The following LSAMP variants were observed in gnomAD, a reference collection of about 807,000 sequenced individuals.
The protein encoded by LSAMP is limbic system associated membrane protein, also known as limbic system-associated membrane protein.
LSAMP carries 7 observed loss-of-function variants against 38.6 expected under a neutral mutation model. The observed-to-expected ratio is 0.18, with a 90% CI of 0.10 to 0.34. The LOEUF (loss-of-function observed/expected upper bound fraction) is 0.34, where lower values mean the gene tolerates loss of function less well. LSAMP is among the 10% of genes least tolerant of loss of function. LSAMP has a pLI of 1.00. For synonymous variants in LSAMP, 154 were observed against 166.8 expected, an observed-to-expected ratio of 0.92 and a Z score of 0.59; for missense variants, 313 against 420.0, an observed-to-expected ratio of 0.75 and a Z score of 2.23.
intron 6 of LSAMP, 156 bp downstream of exon 6, chr3:115,841,689 T>C: frequency 3.1e-6 from 2 of 645,722 alleles, no homozygotes; most frequent in South Asian, 2.8e-5. Flanking sequence ...ATCTCTGCTA[T>C]GCACAGGAGT....
intron 1 of LSAMP, among the ~76,000 whole-genome samples, chr3:116,213,209 T>C (rs1334413610): frequency 6.6e-6 from 1 of 152,204 alleles, no homozygotes; most frequent in Non-Finnish European, 1.5e-5. Context: ...ATGGTTTGGT[T>C]GTGTCCCCAC....
chr3:115,910,482 A>C (rs1045227034), intron 3 of LSAMP, among the ~76,000 whole-genome samples: 2 of 152,194 alleles, frequency 1.3e-5, no homozygotes, highest in South Asian at 4.1e-4. Flanking sequence ...ATTTTGAGAC[A>C]GCAAAAAAGA....
intron 1 of LSAMP, among the ~76,000 whole-genome samples, chr3:116,198,059 T>C (rs2045930325): frequency 6.6e-6 from 1 of 152,058 alleles, no homozygotes; most frequent in Non-Finnish European, 1.5e-5. Flanking sequence ...CCATTCGTGG[T>C]GAATAATGTG....
intron 2 of LSAMP, among the ~76,000 whole-genome samples, chr3:116,060,928 A>AAAATG (rs1941583471): frequency 6.6e-6 from 1 of 151,698 alleles, no homozygotes; most frequent in Admixed American, 6.6e-5. Context: ...AAAATAAAAT[A>AAAATG]AAATAAATAT....
chr3:116,275,421 C>A (rs2047036001), intron 1 of LSAMP, among the ~76,000 whole-genome samples: 3 of 152,112 alleles, frequency 2.0e-5, no homozygotes, highest in South Asian at 2.1e-4. Context: ...TATGTTTAAG[C>A]AACCTTGGTC....
intron 1 of LSAMP, among the ~76,000 whole-genome samples, chr3:116,373,566 T>C (rs1003451510): frequency 6.6e-6 from 1 of 151,842 alleles, no homozygotes; most frequent in Non-Finnish European, 1.5e-5. Flanking sequence ...TAAATATGCC[T>C]AAGACAGTAA....
chr3:116,077,310 T>A (rs1486222944), intron 2 of LSAMP, among the ~76,000 whole-genome samples: 2 of 151,994 alleles, frequency 1.3e-5, no homozygotes, highest in African/African-American at 4.8e-5. Context: ...CCCATCTTTT[T>A]CATGTTAAGA....
chr3:115,939,658 G>C (rs372721539), intron 3 of LSAMP, among the ~76,000 whole-genome samples: 2 of 151,352 alleles, frequency 1.3e-5, no homozygotes, highest in South Asian at 2.1e-4. Flanking sequence ...GGGCTCAAGT[G>C]ATCCTCCCAC....
At chr3:115,839,262 T>TTCCTTCCTTCCTTCCTTCC (rs1934909005) in intron 6 of LSAMP, among the ~76,000 whole-genome samples, 1 of 78,630 alleles carries the variant, frequency 1.3e-5, no homozygotes, top group African/African-American at 5.7e-5. Flanking sequence ...TCCTTCTTTC[T>TTCCTTCCTTCCTTCCTTCC]TTCCTTCCTT....
intron 3 of LSAMP, among the ~76,000 whole-genome samples, chr3:115,939,043 A>T (rs1937805362): frequency 6.6e-6 from 1 of 152,194 alleles, no homozygotes; most frequent in Non-Finnish European, 1.5e-5. Context: ...ATGTAGGAAC[A>T]TAATAACAAA....
intron 1 of LSAMP, among the ~76,000 whole-genome samples, chr3:116,394,586 C>G (rs564511785): frequency 6.6e-6 from 1 of 152,268 alleles, no homozygotes; most frequent in African/African-American, 2.4e-5. Flanking sequence ...CTCAGACCAG[C>G]CCCCTCATTA....
intron 1 of LSAMP, among the ~76,000 whole-genome samples, chr3:116,265,123 G>GT (rs1006489891): frequency 8.6e-5 from 13 of 151,978 alleles, no homozygotes; most frequent in African/African-American, 2.9e-4. Flanking sequence ...ATTTTGAAGG[G>GT]TTTTAGGAGC....
intron 1 of LSAMP, among the ~76,000 whole-genome samples, chr3:116,120,162 A>G (rs1471830848): frequency 6.6e-6 from 1 of 152,198 alleles, no homozygotes; most frequent in East Asian, 1.9e-4. Flanking sequence ...AGGGACATAC[A>G]TAGCCAAGAA....
chr3:116,112,286 ATGAT>A (rs1290229727), intron 1 of LSAMP, among the ~76,000 whole-genome samples: 1 of 152,166 alleles, frequency 6.6e-6, no homozygotes, highest in Non-Finnish European at 1.5e-5. Context: ...AATAAAGAGT[ATGAT>A]TGTGTGCACC....
chr3:116,413,882 G>T (rs2049012881), intron 1 of LSAMP, among the ~76,000 whole-genome samples: 3 of 146,384 alleles, frequency 2.0e-5, no homozygotes, highest in African/African-American at 7.4e-5. Flanking sequence ...ACAGTCACCT[G>T]GTAGTCTCAC....
At chr3:116,375,349 T>C (rs549712264) in intron 1 of LSAMP, among the ~76,000 whole-genome samples, 1 of 152,102 alleles carries the variant, frequency 6.6e-6, no homozygotes, top group East Asian at 1.9e-4. Context: ...TTAAATTTTT[T>C]AAGTATATGC....
At chr3:116,163,332 T>C (rs1408754921) in intron 1 of LSAMP, among the ~76,000 whole-genome samples, 1 of 150,946 alleles carries the variant, frequency 6.6e-6, no homozygotes, top group Admixed American at 6.6e-5. Flanking sequence ...GGTGTTTGGT[T>C]TTTTGTTCTT....
chr3:116,401,995 A>T (rs559437370), intron 1 of LSAMP, among the ~76,000 whole-genome samples: 69 of 152,328 alleles, frequency 4.5e-4, no homozygotes, highest in Non-Finnish European at 8.1e-4. Flanking sequence ...TTGCTATTTT[A>T]TGAAGAATAT....
intron 3 of LSAMP, among the ~76,000 whole-genome samples, chr3:115,924,994 A>G (rs1252717513): frequency 6.6e-6 from 1 of 152,094 alleles, no homozygotes; most frequent in Non-Finnish European, 1.5e-5. Flanking sequence ...ACTCCACAAT[A>G]CATTCTAGAC....
Sources: allele counts gnomAD v4.1 joint callset (sites outside exome capture counted in the v4.1 genomes callset), GRCh38; gene constraint gnomAD v4.1.1; transcripts MANE v1.5; gene names NCBI Gene and HGNC (gene_info 2026-07-23, HGNC 2026-07-21).